MANBA: variants seen among roughly 807,000 people sequenced by gnomAD.
The protein encoded by MANBA is mannosidase beta, also known as beta-mannosidase.
MANBA carries 83 observed loss-of-function variants against 111.1 expected under a neutral mutation model. That is an observed-to-expected ratio of 0.75 (90% CI 0.63 to 0.90). The LOEUF is 0.90. MANBA is among the 40% of genes least tolerant of loss of function. The pLI is 0.00. For synonymous variants in MANBA, 370 were observed against 378.7 expected, an observed-to-expected ratio of 0.98 and a Z score of 0.27; for missense variants, 1,036 against 1,069.0, an observed-to-expected ratio of 0.97 and a Z score of 0.43.
rs542955354 is a variant in MANBA at position 102,754,746 on chromosome 4, C to T, written c.177+5972G>A. On this transcript the variant is annotated intron_variant, in intron 1 of 16. Coordinates refer to ENST00000647097, the MANE Select transcript of MANBA (RefSeq NM_005908.4). ...TAATTTTTTGTATTTTTAGTAGAGA[C>T]GGGGTTTCACCGTATTAGCCAGGAT... Among the ~76,000 whole-genome samples the T allele has an allele frequency of 3.9e-4, 60 of 152,008 alleles. No individual in the cohort carries two copies. The East Asian group carries it at 8.5e-3, about 22-fold the overall frequency.
At chr4:102,690,451 T>G in intron 6 of MANBA, 145 bp downstream of exon 6, 3 of 704,606 alleles carry the variant, frequency 4.3e-6, no homozygotes, top group Non-Finnish European at 7.2e-6. Context: ...AGAAAATATA[T>G]GAGAGACTAA....
chr4:102,745,850 C>T (rs1723567313), intron 1 of MANBA, among the ~76,000 whole-genome samples: 1 of 152,156 alleles, frequency 6.6e-6, no homozygotes, highest in Admixed American at 6.5e-5. Context: ...AATTAGAAAA[C>T]TCAAGCAGTT....
rs138405578 is a variant in MANBA, at chr4:102,718,531, C to T, written c.550-3970G>A. 4.0e-3 allele frequency among the ~76,000 whole-genome samples: 604 copies of T among 152,166 alleles called. 1 individual carries two copies. Among genetic ancestry groups the T allele is most frequent in the Non-Finnish European group, 4.6e-3 (314 of 67,998 alleles). On this transcript the variant is annotated intron_variant, in intron 4 of 16. Transcript: ENST00000647097. Reference sequence around the variant, plus strand: ...TACAAGGAACGGCCAGAGATGTAAACGGAAAACAAGGAAGATGGCATCAAA... The same window carrying T: ...TACAAGGAACGGCCAGAGATGTAAATGGAAAACAAGGAAGATGGCATCAAA...
chr4:102,728,565 A>AT, intron 1 of MANBA: 1 of 403,614 alleles, frequency 2.5e-6, no homozygotes, highest in Non-Finnish European at 4.6e-6. Context: ...AAAAAAAAAA[A>AT]GCAATTGAAT....
At chr4:102,669,912 A>G (rs560967330) in intron 9 of MANBA, among the ~76,000 whole-genome samples, 67 of 152,066 alleles carry the variant, frequency 4.4e-4, no homozygotes, top group African/African-American at 1.5e-3. Flanking sequence ...CCCAGGAGGC[A>G]GAGCTTGCAG....
chr4:102,707,208 C>A (rs1733338780), intron 5 of MANBA, among the ~76,000 whole-genome samples: 1 of 152,132 alleles, frequency 6.6e-6, no homozygotes, highest in South Asian at 2.1e-4. Context: ...TATAAGGAAA[C>A]CCTCATCACA....
intron 2 of MANBA, among the ~76,000 whole-genome samples, chr4:102,725,396 G>T (rs1722755618): frequency 6.6e-6 from 1 of 152,042 alleles, no homozygotes; most frequent in Non-Finnish European, 1.5e-5. Flanking sequence ...CTGACAGCAT[G>T]AATTACTTTT....
rs772343506 is a variant in MANBA, at chr4:102,726,694, A to G, written c.178-11T>C. The G allele has an allele frequency of 1.5e-6, 2 of 1,320,268 alleles. No individual in the cohort carries two copies. Among genetic ancestry groups the G allele is most frequent in the African/African-American group, 2.9e-5 (2 of 69,052 alleles). 81.8% of individuals were successfully genotyped at this position (1,320,268 alleles called of 1,614,324 possible). ...TCTGTAGTAAGAATCCTGTTGATACAAGGTAAAAATTATGGTAGATGGTTA... is the reference window on the plus strand; with the variant it reads ...TCTGTAGTAAGAATCCTGTTGATACGAGGTAAAAATTATGGTAGATGGTTA... On this transcript the variant is annotated splice_polypyrimidine_tract_variant and intron_variant, in intron 1 of 16. Transcript: ENST00000647097.
At chr4:102,649,576 A>T (rs1730241822) in intron 13 of MANBA, among the ~76,000 whole-genome samples, 1 of 152,022 alleles carries the variant, frequency 6.6e-6, no homozygotes. Flanking sequence ...CCAGTTCAAG[A>T]TTTTTGTCCA....
chr4:102,671,297 TCA>T lies in MANBA; in HGVS notation c.1212_1213del (p.Cys404Ter). 1 of 1,573,842 alleles carries T rather than the reference TCA, an allele frequency of 6.4e-7. No homozygotes were observed. Among genetic ancestry groups the T allele is most frequent in the African/African-American group, 1.3e-5 (1 of 74,124 alleles). Reference sequence around the variant, plus strand: ...ACTTCTCACCATTATTCCTAGTTCATCACAGAGTTCATAGAATTCATCCTGCT... The same window carrying T: ...ACTTCTCACCATTATTCCTAGTTCATCAGAGTTCATAGAATTCATCCTGCT... On this transcript the variant is annotated stop_gained and frameshift_variant, in exon 9 of 17. Coordinates refer to ENST00000647097, the MANE Select transcript of MANBA (RefSeq NM_005908.4). LOFTEE classifies it high-confidence loss of function.
At chr4:102,638,280 G>A (rs905032324) in intron 14 of MANBA, among the ~76,000 whole-genome samples, 2 of 152,040 alleles carry the variant, frequency 1.3e-5, no homozygotes, top group Non-Finnish European at 2.9e-5. Flanking sequence ...ACAAAAATGA[G>A]CCAGGCATGG....
At chr4:102,675,412 A>C (rs917571073) in intron 7 of MANBA, among the ~76,000 whole-genome samples, 2 of 152,136 alleles carry the variant, frequency 1.3e-5, no homozygotes, top group Non-Finnish European at 2.9e-5. Context: ...GAAGCAGTGC[A>C]TTTTCAGAGA....
At chr4:102,750,968 G>A (rs1343995345) in intron 1 of MANBA, among the ~76,000 whole-genome samples, 1 of 152,124 alleles carries the variant, frequency 6.6e-6, no homozygotes, top group African/African-American at 2.4e-5. Context: ...ATAGTGGATA[G>A]AGAAGAAACA....
intron 1 of MANBA, chr4:102,734,551 A>C: frequency 6.2e-7 from 1 of 1,608,334 alleles, no homozygotes; most frequent in Non-Finnish European, 8.5e-7. Context: ...GTGACGAGGA[A>C]GCCCAAGGCT....
chr4:102,667,984 C>T (rs934055599), intron 10 of MANBA: 3 of 152,182 alleles, frequency 2.0e-5, no homozygotes, highest in African/African-American at 7.2e-5. Flanking sequence ...TCCGATGTTT[C>T]AGTAGTATTT....
intron 1 of MANBA, among the ~76,000 whole-genome samples, chr4:102,747,453 A>G (rs1416182515): frequency 6.6e-6 from 1 of 152,186 alleles, no homozygotes; most frequent in African/African-American, 2.4e-5. Context: ...TGCCTTTCCC[A>G]GTCCACTGAG....
intron 10 of MANBA, chr4:102,666,467 A>G (rs757428710): frequency 2.6e-5 from 4 of 152,248 alleles, no homozygotes; most frequent in Non-Finnish European, 5.9e-5. Context: ...AAATCCTTGA[A>G]CAAGTAATTC....
In MANBA at chr4:102,664,823, G is replaced by A. The variant is rs1731148846; in HGVS notation, c.1347C>T (p.Ile449=). The A allele has an allele frequency of 1.2e-6, 2 of 1,607,818 alleles. No individual in the cohort carries two copies. The highest frequency in any genetic ancestry group is 1.7e-6 in the Non-Finnish European group (2 of 1,174,272). Residue 449 remains isoleucine (I), a synonymous_variant, in exon 11 of 17, where the codon ATC becomes ATT. Transcript: ENST00000647097. ...TTTCATTATTGCCACTCCATATGAT[G>A]ATAGAAGGATGAGATTTCAGTCTCT... ...QIKRLKSHPS[I]IIWSGNNENE...
At chr4:102,696,282 T>C (rs1160542469) in intron 5 of MANBA, among the ~76,000 whole-genome samples, 1 of 152,156 alleles carries the variant, frequency 6.6e-6, no homozygotes, top group Non-Finnish European at 1.5e-5. Context: ...TGTCTGACCC[T>C]CTGCTAAACG....
Sources: allele counts gnomAD v4.1 joint callset (sites outside exome capture counted in the v4.1 genomes callset), GRCh38; gene constraint gnomAD v4.1.1; transcripts MANE v1.5; gene names NCBI Gene and HGNC (gene_info 2026-07-23, HGNC 2026-07-21).